The following XPO7 variants were observed in gnomAD, a reference collection of about 807,000 sequenced individuals.
XPO7 encodes exportin-7.
XPO7 carries 21 observed loss-of-function variants against 144.3 expected under a neutral mutation model. The observed-to-expected ratio is 0.15, with a 90% CI of 0.10 to 0.21. The LOEUF (loss-of-function observed/expected upper bound fraction) is 0.21. Among genes scored for constraint, XPO7 ranks in the 10% least tolerant of loss-of-function variants. The probability of loss-of-function intolerance (pLI) is 1.00; values close to 1 mark genes in which losing one functional copy is unlikely to be tolerated. For missense variants in XPO7, 808 were observed against 1,325.8 expected, an observed-to-expected ratio of 0.61 and a Z score of 6.06; for synonymous variants, 580 against 499.6, an observed-to-expected ratio of 1.16 and a Z score of -2.15.
chr8:21,975,228 G>T (rs1299538709), intron 6 of XPO7, among the ~76,000 whole-genome samples: 1 of 152,182 alleles, frequency 6.6e-6, no homozygotes, highest in Non-Finnish European at 1.5e-5. Context: ...CCTGTCCCCC[G>T]CTGAGTTAAA....
chr8:21,945,136 G>C (rs1432722870), intron 1 of XPO7, among the ~76,000 whole-genome samples: 2 of 152,258 alleles, frequency 1.3e-5, no homozygotes, highest in South Asian at 4.1e-4. Context: ...CCTCCCAGAC[G>C]GGGTGGCGGC....
At chr8:21,922,828 T>C (rs1322735107) in intron 1 of XPO7, among the ~76,000 whole-genome samples, 2 of 152,220 alleles carry the variant, frequency 1.3e-5, no homozygotes, top group Admixed American at 1.3e-4. Flanking sequence ...TGTTGGGTCT[T>C]ATTATTTACT....
chr8:21,958,852 T>C (rs915996330), intron 1 of XPO7, among the ~76,000 whole-genome samples: 3 of 151,656 alleles, frequency 2.0e-5, no homozygotes, highest in Non-Finnish European at 4.4e-5. Context: ...TCCCAGCTAC[T>C]TGGGAGACTG....
chr8:21,977,779 A>G lies in XPO7; in HGVS notation c.773A>G (p.Asp258Gly). ...IPTSWRSAFL[D>G]SSTLQLFFDL... ...TCTTTTTCTTCCCCAGCCTTCTTAG[A>G]TTCTTCAACCTTGCAGCTGTTTTTT... The change falls in exon 8 of 28, where the codon GAT (aspartate) becomes GGT (glycine). Residue 258 changes from aspartate to glycine, a missense_variant. Physicochemically the swap from Asp to Gly is moderately conservative, Grantham distance 94. Transcript: ENST00000252512. 6.2e-7 allele frequency: 1 copy of G among 1,613,880 alleles called. No individual in the cohort carries two copies. Among genetic ancestry groups the G allele is most frequent in the Non-Finnish European group, 8.5e-7 (1 of 1,179,844 alleles).
chr8:21,924,311 C>T (rs1193553737), intron 1 of XPO7, among the ~76,000 whole-genome samples: 1 of 151,960 alleles, frequency 6.6e-6, no homozygotes, highest in African/African-American at 2.4e-5. Flanking sequence ...CAGACAGGTA[C>T]AGAAATCATA....
intron 1 of XPO7, among the ~76,000 whole-genome samples, chr8:21,932,571 G>A (rs143004718): frequency 6.6e-6 from 1 of 152,110 alleles, no homozygotes; most frequent in African/African-American, 2.4e-5. Context: ...AGAAGTACAC[G>A]TGGTGTTTTG....
At chr8:21,940,140 A>G (rs1468876731) in intron 1 of XPO7, among the ~76,000 whole-genome samples, 1 of 152,218 alleles carries the variant, frequency 6.6e-6, no homozygotes, top group Non-Finnish European at 1.5e-5. Flanking sequence ...ATATGTTTGA[A>G]TCCCTGAGTT....
chr8:21,944,663 T>G (rs1227643084), intron 1 of XPO7, among the ~76,000 whole-genome samples: 3 of 152,164 alleles, frequency 2.0e-5, no homozygotes, highest in African/African-American at 7.2e-5. Flanking sequence ...GAGAGGGGGA[T>G]TTGGCAGGGT....
chr8:21,924,004 A>T (rs1253650898), intron 1 of XPO7, among the ~76,000 whole-genome samples: 1 of 152,092 alleles, frequency 6.6e-6, no homozygotes, highest in Non-Finnish European at 1.5e-5. Flanking sequence ...GCTTAACTAG[A>T]TGGTTTTGGT....
intron 12 of XPO7, 125 bp from the exon 13 acceptor site, chr8:21,985,461 C>T (rs1490232089): frequency 1.1e-6 from 1 of 891,462 alleles, no homozygotes; most frequent in East Asian, 2.4e-5. Flanking sequence ...AGTAGCCATT[C>T]TCTGTAAGAA....
chr8:22,002,042 C>T, intron 24 of XPO7, 70 bp from the exon 25 acceptor site: 1 of 1,520,236 alleles, frequency 6.6e-7, no homozygotes, highest in Non-Finnish European at 8.9e-7. Context: ...GGATCTCACC[C>T]AAAGATAGTC....
intron 22 of XPO7, 56 bp downstream of exon 22, chr8:21,998,893 C>A: frequency 1.3e-6 from 2 of 1,580,664 alleles, no homozygotes; most frequent in South Asian, 2.2e-5. Context: ...AGTCACCACA[C>A]TGTAAGCAGC....
chr8:21,942,179 T>C (rs1563314460), intron 1 of XPO7, among the ~76,000 whole-genome samples: 3 of 152,240 alleles, frequency 2.0e-5, no homozygotes, highest in Non-Finnish European at 4.4e-5. Flanking sequence ...TCCTACTGTG[T>C]TTAAAGTGGT....
At chr8:21,994,316 G>A in intron 19 of XPO7, 47 bp from the exon 20 acceptor site, 2 of 1,453,280 alleles carry the variant, frequency 1.4e-6, no homozygotes, top group Non-Finnish European at 9.6e-7. Context: ...GATTGTTACA[G>A]TTTTGTCTTT....
At chr8:21,939,591 C>T (rs1585423631) in intron 1 of XPO7, among the ~76,000 whole-genome samples, 3 of 152,270 alleles carry the variant, frequency 2.0e-5, no homozygotes, top group East Asian at 1.9e-4. Context: ...TTTATGCCAA[C>T]GTTAATTGAG....
At position 21,920,454 on chromosome 8, in the gene XPO7, G is replaced by A. The variant is rs182157659; in HGVS notation, c.18+666G>A. 2.8e-3 allele frequency among the ~76,000 whole-genome samples: 419 copies of A among 152,250 alleles called. 2 individuals carry two copies. The South Asian group carries it at 0.028, about 10-fold the overall frequency. On this transcript the variant is annotated intron_variant, in intron 1 of 27. Coordinates refer to ENST00000252512, the MANE Select transcript of XPO7 (RefSeq NM_015024.5). Reference sequence around the variant, plus strand: ...GCGTCCCCCTAGCCACAGTGAAGGAGTTGAGCGCCCACACCTCCTATGAAA... The same window carrying A: ...GCGTCCCCCTAGCCACAGTGAAGGAATTGAGCGCCCACACCTCCTATGAAA...
chr8:22,006,417 C>A lies in XPO7; in HGVS notation c.*1329C>A, dbSNP rs1233464125. On this transcript the variant is annotated 3_prime_UTR_variant, in exon 28 of 28. Coordinates refer to ENST00000252512, the MANE Select transcript of XPO7 (RefSeq NM_015024.5). ...CATCAATTAGGTTTTATTTTTATTTCTTTCCTCTACCCCCAGAAACAAGCC... is the reference window on the plus strand; with the variant it reads ...CATCAATTAGGTTTTATTTTTATTTATTTCCTCTACCCCCAGAAACAAGCC... 2.6e-5 allele frequency: 4 copies of A among 152,140 alleles called. No individual in the cohort carries two copies. Among genetic ancestry groups the A allele is most frequent in the African/African-American group, 4.8e-5 (2 of 41,436 alleles). 9.4% of individuals were successfully genotyped at this position (152,140 alleles called of 1,614,324 possible). A position where few individuals can be genotyped will look rare whatever the true frequency, so the allele number is the denominator to read the frequency against.
At chr8:21,974,259 G>A (rs1391650175) in intron 5 of XPO7, among the ~76,000 whole-genome samples, 1 of 151,670 alleles carries the variant, frequency 6.6e-6, no homozygotes, top group Non-Finnish European at 1.5e-5. Flanking sequence ...CTGCTTCTGG[G>A]CTCAAATGAT....
chr8:21,959,741 G>C (rs1707025041), intron 1 of XPO7, among the ~76,000 whole-genome samples: 1 of 152,078 alleles, frequency 6.6e-6, no homozygotes, highest in African/African-American at 2.4e-5. Context: ...AAACATGATG[G>C]ATAGTTTATT....
Sources: allele counts gnomAD v4.1 joint callset (sites outside exome capture counted in the v4.1 genomes callset), GRCh38; gene constraint gnomAD v4.1.1; transcripts MANE v1.5; gene names NCBI Gene and HGNC (gene_info 2026-07-23, HGNC 2026-07-21).